Variants in CENPH observed in about 807,000 individuals in gnomAD.
CENPH encodes centromere protein H.
CENPH carries 40 observed loss-of-function variants against 42.9 expected under a neutral mutation model. The ratio of observed to expected loss-of-function variants is 0.93; its 90% CI spans 0.72 to 1.21. The LOEUF is 1.21. Among genes scored for constraint, CENPH ranks in the 50% most tolerant of loss-of-function variants. The pLI, the probability that CENPH is intolerant of heterozygous loss-of-function variation, is 0.00. For synonymous variants in CENPH, 88 were observed against 96.5 expected (o/e 0.91, Z 0.52); for missense variants, 302 against 292.9 (o/e 1.03, Z -0.23).
intron 1 of CENPH, among the ~76,000 whole-genome samples, chr5:69,191,151 G>A (rs2112079251): frequency 6.6e-6 from 1 of 152,274 alleles, no homozygotes; most frequent in South Asian, 2.1e-4. Context: ...TAAATACAGT[G>A]GTTTGGGGTT....
At chr5:69,193,912 A>G (rs1747921550) in intron 2 of CENPH, among the ~76,000 whole-genome samples, 1 of 152,022 alleles carries the variant, frequency 6.6e-6, no homozygotes, top group African/African-American at 2.4e-5. Flanking sequence ...TCGGCCTCCC[A>G]AAGTACTGGG....
chr5:69,202,743 G>T (rs1184989151), intron 6 of CENPH, among the ~76,000 whole-genome samples, 174 bp downstream of exon 6: 1 of 151,916 alleles, frequency 6.6e-6, no homozygotes, highest in East Asian at 1.9e-4. Context: ...GACTAATGTT[G>T]AACATTATCT....
chr5:69,203,285 G>A (rs1224793525), intron 7 of CENPH, among the ~76,000 whole-genome samples: 5 of 152,084 alleles, frequency 3.3e-5, no homozygotes, highest in Admixed American at 2.6e-4. Flanking sequence ...TCCTGCATCA[G>A]CCTCCTGAAT....
chr5:69,195,335 G>A (rs1328950395), intron 3 of CENPH, among the ~76,000 whole-genome samples: 1 of 152,136 alleles, frequency 6.6e-6, no homozygotes, highest in African/African-American at 2.4e-5. Context: ...AAAGTTCTGG[G>A]ATTGTAGGCA....
rs375412068 is a variant in CENPH at position 69,191,769 on chromosome 5, T to A, written c.135-26T>A. 1.4e-5 allele frequency: 20 copies of A among 1,432,594 alleles called. No individual in the cohort carries two copies. In the African/African-American group the frequency reaches 2.4e-4, roughly 17 times the overall value. The allele number at this position is 1,432,594 out of a possible 1,614,324, so 88.7% of individuals were successfully genotyped here. On this transcript the variant is annotated intron_variant, in intron 1 of 8. Transcript: ENST00000283006. ...AAACCTTAATCAATAAATATGTGAC[T>A]TTATATTCTCTTTATCTGTTTTCAG... is the stretch of plus-strand genomic sequence containing the variant.
In CENPH at chr5:69,202,946, C is replaced by A; in HGVS notation, c.463C>A (p.Leu155Ile). The part of the protein sequence containing the change: ...QESWDLEEKL[L>I]DIRKKRLQLK... The stretch of plus-strand genomic sequence containing the variant: ...ATCTTGGGATTTAGAGGAAAAACTG[C>A]TTGATATTAGAAAGAAGAGATTGCG... Residue 155 changes from leucine to isoleucine, a missense_variant, in exon 7 of 9, where the codon CTT (leucine) becomes ATT (isoleucine). Coordinates refer to ENST00000283006, the MANE Select transcript of CENPH (RefSeq NM_022909.4). 6.3e-7 allele frequency: 1 copy of A among 1,592,278 alleles called. No homozygotes were observed. The highest frequency in any genetic ancestry group is 8.6e-7 in the Non-Finnish European group (1 of 1,166,768).
intron 5 of CENPH, among the ~76,000 whole-genome samples, chr5:69,201,172 C>T (rs1342538965): frequency 6.6e-6 from 1 of 152,110 alleles, no homozygotes; most frequent in Non-Finnish European, 1.5e-5. Flanking sequence ...CCTTACTTAA[C>T]GAACCTCCCA....
rs756098489 is a variant in CENPH, at chr5:69,209,850, T to C, written c.*51T>C. ...ACATTTCTGGCAATCTCAACTCTTA[T>C]TTGGAATACTTCTGTGCATTTGTCT... is the stretch of plus-strand genomic sequence containing the variant. On this transcript the variant is annotated 3_prime_UTR_variant, in exon 9 of 9. Transcript: ENST00000283006. 6.3e-5 allele frequency: 63 copies of C among 1,006,414 alleles called. No individual in the cohort carries two copies. The highest frequency in any genetic ancestry group is 1.3e-5 in the South Asian group (1 of 74,428). The allele number at this position is 1,006,414 out of a possible 1,614,324, so 62.3% of individuals were successfully genotyped here.
chr5:69,195,121 C>T (rs1009352366), intron 3 of CENPH, among the ~76,000 whole-genome samples: 4 of 152,036 alleles, frequency 2.6e-5, no homozygotes, highest in Non-Finnish European at 4.4e-5. Context: ...CCCAGCTACT[C>T]GGGAGGCTGA....
chr5:69,204,560 GATTACAGGC>G (rs1038820739), intron 7 of CENPH, among the ~76,000 whole-genome samples: 1 of 146,620 alleles, frequency 6.8e-6, no homozygotes, highest in Non-Finnish European at 1.5e-5. Context: ...AAAGTGCTAG[GATTACAGGC>G]ATGAGCTACC....
At chr5:69,206,429 C>T (rs1372294777) in intron 7 of CENPH, among the ~76,000 whole-genome samples, 13 of 151,958 alleles carry the variant, frequency 8.6e-5, no homozygotes, top group Admixed American at 5.9e-4. Flanking sequence ...TATCCACCCA[C>T]CTCGGCCTCC....
intron 5 of CENPH, among the ~76,000 whole-genome samples, chr5:69,198,729 T>C (rs1043268653): frequency 1.3e-5 from 2 of 152,144 alleles, no homozygotes; most frequent in African/African-American, 4.8e-5. Flanking sequence ...GCCCAGGCAT[T>C]TGAGATCAGC....
intron 7 of CENPH, among the ~76,000 whole-genome samples, chr5:69,205,449 C>T (rs1012731783): frequency 6.6e-6 from 1 of 151,624 alleles, no homozygotes; most frequent in African/African-American, 2.4e-5. Flanking sequence ...TGGTCTCGAA[C>T]TCCTCACCTC....
chr5:69,199,680 G>A (rs948855633), intron 5 of CENPH, among the ~76,000 whole-genome samples: 1 of 152,146 alleles, frequency 6.6e-6, no homozygotes, highest in African/African-American at 2.4e-5. Context: ...ATGGTTTCCT[G>A]AGAAGGGAAC....
rs754030310 is a variant in CENPH, at chr5:69,189,697, G to A, written c.63G>A (p.Arg21=). ...DEPADSGGEG[R]AGGPPQVAGA... ...CCGCGGACTCCGGAGGGGAAGGCCG[G>A]GCAGGCGGGCCACCGCAGGTCGCCG... The change falls in exon 1 of 9, where the codon CGG becomes CGA. Residue 21 remains arginine (R), a synonymous_variant. Coordinates refer to ENST00000283006, the MANE Select transcript of CENPH (RefSeq NM_022909.4). 12 of 1,582,064 alleles carry A rather than the reference G, an allele frequency of 7.6e-6. No individual in the cohort carries two copies. Among genetic ancestry groups the A allele is most frequent in the South Asian group, 1.1e-5 (1 of 87,730 alleles).
intron 7 of CENPH, among the ~76,000 whole-genome samples, chr5:69,205,856 C>T (rs996910379): frequency 6.6e-6 from 1 of 150,910 alleles, no homozygotes; most frequent in African/African-American, 2.4e-5. Context: ...CTACAGGCAC[C>T]CGCCACCACG....
chr5:69,194,690 C>A lies in CENPH; in HGVS notation c.234C>A (p.Ile78=). The change falls in exon 3 of 9, where the codon ATC becomes ATA. Residue 78 remains isoleucine (I), a synonymous_variant. Transcript: ENST00000283006. ...AACAAATTATGCAAGAAAAGCAAAT[C>A]GAAGCGTATGTTATATTTAAAAATT... ...TPEQIMQEKQ[I]EAKIEDLENE... The A allele has an allele frequency of 6.3e-7, 1 of 1,575,494 alleles. No homozygotes were observed. Among genetic ancestry groups the A allele is most frequent in the Non-Finnish European group, 8.7e-7 (1 of 1,155,360 alleles).
At chr5:69,204,705 A>G (rs1212283100) in intron 7 of CENPH, among the ~76,000 whole-genome samples, 1 of 140,294 alleles carries the variant, frequency 7.1e-6, no homozygotes, top group East Asian at 2.1e-4. Flanking sequence ...TCCCGGGTTG[A>G]AGAAATTCTC....
At chr5:69,198,250 TTG>T in intron 5 of CENPH, among the ~76,000 whole-genome samples, 1 of 152,126 alleles carries the variant, frequency 6.6e-6, no homozygotes, top group Middle Eastern at 3.4e-3. Flanking sequence ...CCCAAAGTTC[TTG>T]TGATAAAATA....
Sources: allele counts gnomAD v4.1 joint callset (sites outside exome capture counted in the v4.1 genomes callset), GRCh38; gene constraint gnomAD v4.1.1; transcripts MANE v1.5; gene names NCBI Gene and HGNC (gene_info 2026-07-23, HGNC 2026-07-21).